Variants in COL4A2 observed in about 807,000 individuals in gnomAD.
COL4A2 encodes collagen type IV alpha 2 chain.
In COL4A2, 99 loss-of-function variants were observed where a neutral mutation model predicts 200.2. The ratio of observed to expected loss-of-function variants is 0.49; its 90% CI spans 0.42 to 0.58. COL4A2 has a LOEUF of 0.58. COL4A2 is among the 20% of genes least tolerant of loss of function. The pLI, the probability that COL4A2 is intolerant of heterozygous loss-of-function variation, is 0.00. For synonymous variants in COL4A2, 897 were observed against 900.6 expected (o/e 1.00, Z 0.07); for missense variants, 1,950 against 2,314.1 (o/e 0.84, Z 3.23).
chr13:110,347,121 G>C (rs1876739332), intron 3 of COL4A2, among the ~76,000 whole-genome samples: 1 of 152,208 alleles, frequency 6.6e-6, no homozygotes, highest in Non-Finnish European at 1.5e-5. Context: ...TGTGTGTCAG[G>C]AAATGCCAAG....
At chr13:110,491,966 G>A (rs532679967) in intron 37 of COL4A2, 104 bp from the exon 38 acceptor site, 43 of 971,918 alleles carry the variant, frequency 4.4e-5, no homozygotes, top group Middle Eastern at 4.9e-4. Context: ...CGGCCCTTCC[G>A]GCCCTCGGCC....
chr13:110,473,231 G>A, intron 29 of COL4A2, 81 bp downstream of exon 29: 2 of 1,350,060 alleles, frequency 1.5e-6, no homozygotes, highest in Middle Eastern at 2.6e-4. Flanking sequence ...CCTTCCGGGG[G>A]ATTTGGTAGG....
rs533732658 is a variant in COL4A2 at position 110,478,121 on chromosome 13, C to G, written c.2544C>G (p.Gly848=). 1.3e-6 allele frequency: 2 copies of G among 1,597,640 alleles called. No homozygotes were observed. Among genetic ancestry groups the G allele is most frequent in the Middle Eastern group, 1.7e-4 (1 of 5,744 alleles). ...PGLHGFPGAP[G]QEGPLGLPGI... is the part of the protein sequence containing the mutation. ...TGCATGGATTCCCAGGAGCTCCTGG[C>G]CAAGAGGGGCCCTTGGGGCTGCCAG... The change falls in exon 30 of 48, where the codon GGC becomes GGG. Residue 848 remains glycine, a synonymous_variant. Transcript: ENST00000360467.
rs139935701 is a variant in COL4A2 at position 110,398,016 on chromosome 13, TC to T, written c.181-26717del. The stretch of plus-strand genomic sequence containing the variant: ...AACAGATGCAGGCTAAAGCGAAAGA[TC>T]AACTCTCCACACCATTACATTTTGA... On this transcript the variant is annotated intron_variant, in intron 4 of 47. Transcript: ENST00000360467. 6.5e-3 allele frequency among the ~76,000 whole-genome samples: 995 copies of T among 152,172 alleles called. 15 individuals carry two copies. The highest frequency in any genetic ancestry group is 0.023 in the African/African-American group (940 of 41,496).
intron 4 of COL4A2, among the ~76,000 whole-genome samples, chr13:110,424,196 T>C (rs762508258): frequency 4.6e-4 from 70 of 152,194 alleles, no homozygotes; most frequent in Middle Eastern, 3.4e-3. Flanking sequence ...CCAATACTTA[T>C]AACTTTTTTT....
intron 4 of COL4A2, among the ~76,000 whole-genome samples, chr13:110,380,151 A>T (rs967989372): frequency 6.6e-6 from 1 of 152,204 alleles, no homozygotes; most frequent in African/African-American, 2.4e-5. Context: ...CACATTAGTC[A>T]TGGCCTCAAC....
intron 4 of COL4A2, among the ~76,000 whole-genome samples, chr13:110,395,971 T>G (rs894620064): frequency 4.6e-5 from 7 of 152,142 alleles, no homozygotes; most frequent in African/African-American, 1.7e-4. Context: ...TCTAATTCCA[T>G]TTGAGGGATA....
chr13:110,456,789 ATGCCGGGCACCCATGGTGCCGATGCCC>A (rs1473516494), intron 20 of COL4A2: 4 of 479,188 alleles, frequency 8.3e-6, no homozygotes, highest in Middle Eastern at 3.6e-4. Context: ...ACTGGGTGGG[ATGCCGGGCACCCATGGTGCCGATGCCC>A]TGCGTCTGCG....
rs146719958 is a variant in COL4A2 at position 110,450,042 on chromosome 13, G to C, written c.1189+253G>C. Among the ~76,000 whole-genome samples, 18 of 152,342 alleles carry C rather than the reference G, an allele frequency of 1.2e-4. No homozygotes were observed. The South Asian group carries it at 2.5e-3, about 21-fold the overall frequency. On this transcript the variant is annotated intron_variant, in intron 19 of 47. Coordinates refer to ENST00000360467, the MANE Select transcript of COL4A2 (RefSeq NM_001846.4). ...GGTAACTGGCATGCTTCCACCTGTGGGTTGGGAAGAGAACGGAGAATCATC... is the reference window on the plus strand; with the variant it reads ...GGTAACTGGCATGCTTCCACCTGTGCGTTGGGAAGAGAACGGAGAATCATC...
chr13:110,432,242 G>T, intron 10 of COL4A2, 83 bp from the exon 11 acceptor site: 1 of 1,488,630 alleles, frequency 6.7e-7, no homozygotes, highest in Non-Finnish European at 8.9e-7. Flanking sequence ...TACAGTCAAT[G>T]GCTTTCCCAG....
At chr13:110,499,648 C>G (rs930786154) in intron 40 of COL4A2, among the ~76,000 whole-genome samples, 1 of 152,228 alleles carries the variant, frequency 6.6e-6, no homozygotes, top group African/African-American at 2.4e-5. Context: ...AGTCATGCAA[C>G]ATGGGCCTTC....
intron 3 of COL4A2, among the ~76,000 whole-genome samples, chr13:110,311,191 C>T (rs755386889): frequency 2.0e-5 from 3 of 152,142 alleles, no homozygotes; most frequent in Non-Finnish European, 4.4e-5. Flanking sequence ...AGGAGAGAAG[C>T]AAGACCCTTC....
intron 4 of COL4A2, among the ~76,000 whole-genome samples, chr13:110,380,826 TGCTCTATCTCACAACCACAGA>T (rs1420398350): frequency 1.0e-5 from 1 of 100,136 alleles, no homozygotes; most frequent in African/African-American, 4.0e-5. Flanking sequence ...CACACCCACG[TGCTCTATCTCACAACCACAGA>T]GCTCTATCTC....
intron 3 of COL4A2, among the ~76,000 whole-genome samples, chr13:110,335,464 GT>G (rs1301275580): frequency 5.3e-5 from 8 of 152,112 alleles, no homozygotes; most frequent in East Asian, 1.9e-4. Context: ...ACTCTCTCTT[GT>G]CTGCCACCAT....
intron 3 of COL4A2, among the ~76,000 whole-genome samples, chr13:110,342,441 G>T (rs1217540290): frequency 6.6e-6 from 1 of 152,118 alleles, no homozygotes. Flanking sequence ...TGTTCCCCAG[G>T]TCTGTATCGT....
At chr13:110,384,971 A>G (rs1271753522) in intron 4 of COL4A2, among the ~76,000 whole-genome samples, 1 of 152,242 alleles carries the variant, frequency 6.6e-6, no homozygotes, top group Non-Finnish European at 1.5e-5. Context: ...AGGAACAAAA[A>G]AGTTAAACAG....
intron 27 of COL4A2, among the ~76,000 whole-genome samples, chr13:110,468,557 C>A (rs1173651298): frequency 1.3e-5 from 2 of 152,188 alleles, no homozygotes; most frequent in East Asian, 1.9e-4. Flanking sequence ...CATGCCCAGG[C>A]CCCCATTACT....
intron 40 of COL4A2, among the ~76,000 whole-genome samples, chr13:110,496,487 T>G (rs1202400266): frequency 2.0e-5 from 3 of 152,220 alleles, no homozygotes; most frequent in Non-Finnish European, 4.4e-5. Context: ...GGCTGCATGG[T>G]GCTGCCAGAG....
intron 3 of COL4A2, among the ~76,000 whole-genome samples, chr13:110,317,208 G>A (rs572439012): frequency 2.5e-4 from 34 of 137,472 alleles, no homozygotes; most frequent in African/African-American, 6.0e-4. Context: ...AGACACACAC[G>A]TGCACCCCAC....
Sources: gnomAD v4.1 joint callset for allele counts (sites outside exome capture counted in the v4.1 genomes callset) on GRCh38, gnomAD v4.1.1 for gene constraint, MANE v1.5 for transcripts, NCBI Gene and HGNC (gene_info 2026-07-23, HGNC 2026-07-21) for gene names.